Variants in DPP10 observed in about 807,000 individuals in gnomAD.
The protein encoded by DPP10 is inactive dipeptidyl peptidase 10.
In DPP10, 33 loss-of-function variants were observed where a neutral mutation model predicts 120.9. That is an observed-to-expected ratio of 0.27 (90% CI 0.21 to 0.37). The LOEUF (loss-of-function observed/expected upper bound fraction) is 0.37, where lower values mean the gene tolerates loss of function less well. Among genes scored for constraint, DPP10 ranks in the 10% least tolerant of loss-of-function variants. The pLI is 1.00. For synonymous variants in DPP10, 337 were observed against 326.1 expected, an observed-to-expected ratio of 1.03 and a Z score of -0.36; for missense variants, 816 against 942.8, an observed-to-expected ratio of 0.87 and a Z score of 1.76.
intron 5 of DPP10, 33 bp downstream of exon 5, chr2:115,526,005 C>A (rs12476915): frequency 6.5e-7 from 1 of 1,545,644 alleles, no homozygotes; most frequent in Admixed American, 1.9e-5. Context: ...GAATACTTTT[C>A]TTTGTGATGC....
At chr2:115,436,091 A>G (rs569023910) in intron 3 of DPP10, among the ~76,000 whole-genome samples, 3 of 151,964 alleles carry the variant, frequency 2.0e-5, no homozygotes, top group Admixed American at 2.0e-4. Context: ...AATAGTGGAA[A>G]TGTTAGGTCA....
chr2:115,621,585 C>T (rs2084946218), intron 5 of DPP10, among the ~76,000 whole-genome samples: 1 of 152,114 alleles, frequency 6.6e-6, no homozygotes, highest in Admixed American at 6.5e-5. Flanking sequence ...GAAAACATAA[C>T]TCCGAGGTGT....
chr2:114,868,251 A>G lies in DPP10; in HGVS notation c.60+425413A>G, dbSNP rs150380574. Among the ~76,000 whole-genome samples the G allele has an allele frequency of 6.6e-3, 1,002 of 152,298 alleles. 15 individuals are homozygous for G. The highest frequency in any genetic ancestry group is 0.023 in the African/African-American group (961 of 41,562). Reference sequence around the variant, plus strand: ...TGATTAGGCCTCCTTCTCCCAGGGCACTGCTTAAACAGACATTGCCAGTAC... The same window carrying G: ...TGATTAGGCCTCCTTCTCCCAGGGCGCTGCTTAAACAGACATTGCCAGTAC... On this transcript the variant is annotated intron_variant, in intron 1 of 25. Transcript: ENST00000410059.
At chr2:114,591,136 A>G (rs1299583396) in intron 1 of DPP10, among the ~76,000 whole-genome samples, 1 of 152,198 alleles carries the variant, frequency 6.6e-6, no homozygotes, top group African/African-American at 2.4e-5. Context: ...ATCACAGCCC[A>G]CTTAAAACCT....
At chr2:115,221,940 G>C (rs947966844) in intron 1 of DPP10, among the ~76,000 whole-genome samples, 2 of 152,044 alleles carry the variant, frequency 1.3e-5, no homozygotes, top group African/African-American at 4.8e-5. Context: ...GTTTGAAGCT[G>C]ATTAGTGAAA....
At chr2:114,464,182 G>A (rs547952770) in intron 1 of DPP10, among the ~76,000 whole-genome samples, 1 of 152,316 alleles carries the variant, frequency 6.6e-6, no homozygotes, top group East Asian at 1.9e-4. Context: ...GATATGGTAA[G>A]TCTAAACTGT....
intron 1 of DPP10, among the ~76,000 whole-genome samples, chr2:115,199,221 C>T (rs963961542): frequency 2.0e-5 from 3 of 151,854 alleles, no homozygotes; most frequent in African/African-American, 4.8e-5. Context: ...TCCTATTTGC[C>T]CATTTTGAAT....
intron 1 of DPP10, among the ~76,000 whole-genome samples, chr2:114,962,948 G>T (rs1456423556): frequency 6.6e-6 from 1 of 152,126 alleles, no homozygotes; most frequent in African/African-American, 2.4e-5. Context: ...AGATGGATGA[G>T]AATAATTACT....
chr2:115,462,423 C>T (rs1558697469), intron 3 of DPP10, among the ~76,000 whole-genome samples: 1 of 152,184 alleles, frequency 6.6e-6, no homozygotes, highest in South Asian at 2.1e-4. Context: ...TATGTGAACT[C>T]CTAAAGTTTA....
chr2:114,657,008 T>C (rs1697012970), intron 1 of DPP10, among the ~76,000 whole-genome samples: 1 of 152,092 alleles, frequency 6.6e-6, no homozygotes, highest in Admixed American at 6.6e-5. Flanking sequence ...AACAGGACTT[T>C]GCATATGGGA....
At chr2:114,894,349 A>T (rs1460708546) in intron 1 of DPP10, among the ~76,000 whole-genome samples, 3 of 152,088 alleles carry the variant, frequency 2.0e-5, no homozygotes, top group Non-Finnish European at 2.9e-5. Flanking sequence ...TTCCTAAGTA[A>T]CTCTAATTAA....
intron 1 of DPP10, among the ~76,000 whole-genome samples, chr2:114,918,605 C>G (rs1172513032): frequency 3.3e-5 from 5 of 152,158 alleles, no homozygotes; most frequent in Non-Finnish European, 7.4e-5. Flanking sequence ...CCATGGAATA[C>G]TACAGAGCCA....
chr2:115,587,880 T>C lies in DPP10; in HGVS notation c.441+61908T>C, dbSNP rs1039732481. On this transcript the variant is annotated intron_variant, in intron 5 of 25. Transcript: ENST00000410059. ...ATTAGGCATACTAAGTTTTTATCAG[T>C]GATAGAATTTACAGTATCTGAGATA... is the stretch of plus-strand genomic sequence containing the variant. Among the ~76,000 whole-genome samples, 6 of 152,188 alleles carry C rather than the reference T, an allele frequency of 3.9e-5. No individual in the cohort carries two copies. The East Asian group carries it at 1.2e-3, about 29-fold the overall frequency.
intron 3 of DPP10, among the ~76,000 whole-genome samples, chr2:115,496,939 T>G (rs1156594965): frequency 1.3e-5 from 2 of 151,900 alleles, no homozygotes; most frequent in African/African-American, 4.8e-5. Context: ...GGGGATGCAA[T>G]TATAAAAGTG....
intron 1 of DPP10, among the ~76,000 whole-genome samples, chr2:114,918,506 T>A (rs1558878398): frequency 6.6e-6 from 1 of 152,136 alleles, no homozygotes; most frequent in Non-Finnish European, 1.5e-5. Flanking sequence ...ATATATCCAT[T>A]GCAGCACCTT....
chr2:115,590,574 A>T (rs1399714828), intron 5 of DPP10, among the ~76,000 whole-genome samples: 2 of 152,152 alleles, frequency 1.3e-5, no homozygotes, highest in Non-Finnish European at 2.9e-5. Context: ...TCATTGATGG[A>T]CATTTGGGTT....
chr2:114,676,745 A>G (rs1247395185), intron 1 of DPP10, among the ~76,000 whole-genome samples: 1 of 152,104 alleles, frequency 6.6e-6, no homozygotes, highest in Non-Finnish European at 1.5e-5. Context: ...AGCCTACACT[A>G]TATAAATATA....
At chr2:115,539,817 TA>T (rs201683537) in intron 5 of DPP10, among the ~76,000 whole-genome samples, 43 of 146,268 alleles carry the variant, frequency 2.9e-4, no homozygotes, top group East Asian at 5.9e-4. Context: ...AACTTCAAGT[TA>T]AAAAAAAAAA....
intron 1 of DPP10, among the ~76,000 whole-genome samples, chr2:114,958,023 G>T (rs1334565579): frequency 6.6e-6 from 1 of 152,146 alleles, no homozygotes; most frequent in African/African-American, 2.4e-5. Context: ...ATTTAATGGG[G>T]TTTAATTGAG....
Sources: gnomAD v4.1 joint callset for allele counts (sites outside exome capture counted in the v4.1 genomes callset) on GRCh38, gnomAD v4.1.1 for gene constraint, MANE v1.5 for transcripts, NCBI Gene and HGNC (gene_info 2026-07-23, HGNC 2026-07-21) for gene names.